Variants in FOXP2 observed in about 807,000 individuals in gnomAD.
The protein encoded by FOXP2 is forkhead box protein P2.
A neutral mutation model predicts 115.8 loss-of-function variants in FOXP2; 12 were observed. The observed-to-expected ratio is 0.10, with a 90% CI of 0.07 to 0.17. The LOEUF is 0.17. Among genes scored for constraint, FOXP2 ranks in the 10% least tolerant of loss-of-function variants. The pLI is 1.00. For missense variants in FOXP2, 629 were observed against 843.5 expected (o/e 0.75, Z 3.15); for synonymous variants, 328 against 297.7 (o/e 1.10, Z -1.05).
chr7:114,273,473 ATGG>A (rs1411682888), intron 1 of FOXP2, among the ~76,000 whole-genome samples: 7 of 151,942 alleles, frequency 4.6e-5, no homozygotes, highest in African/African-American at 1.7e-4. Context: ...CAGTTGATTG[ATGG>A]TGTTGTATTC....
chr7:114,580,774 A>G (rs1032292550), intron 3 of FOXP2, among the ~76,000 whole-genome samples: 1 of 152,144 alleles, frequency 6.6e-6, no homozygotes, highest in Non-Finnish European at 1.5e-5. Context: ...AAGTTTGACC[A>G]TAGGCAGTAG....
chr7:114,266,802 A>T (rs1780371502), intron 1 of FOXP2, among the ~76,000 whole-genome samples: 1 of 152,136 alleles, frequency 6.6e-6, no homozygotes. Flanking sequence ...TAGGATAGAC[A>T]CTCAGTACTT....
At chr7:114,614,847 T>C in intron 3 of FOXP2, among the ~76,000 whole-genome samples, 1 of 152,244 alleles carries the variant, frequency 6.6e-6, no homozygotes, top group Admixed American at 6.5e-5. Flanking sequence ...TTTGTGTTTT[T>C]CCCCTCAGAT....
Position 114,194,565 on chromosome 7 carries a change from AAAC to A in FOXP2, c.-102+31485_-102+31487del, listed in dbSNP as rs575129911. On this transcript the variant is annotated intron_variant, in intron 1 of 17. Coordinates refer to the FOXP2 transcript ENST00000634411. ...AGCGCTGAATCCTCATACTACATGA[AAAC>A]AACAACATTTATTCAAACTTATTGC... 1.6e-4 allele frequency among the ~76,000 whole-genome samples: 24 copies of A among 152,248 alleles called. No homozygotes were observed. In the South Asian group the frequency reaches 4.8e-3, roughly 30 times the overall value.
chr7:114,313,082 C>T (rs1333176829), intron 2 of FOXP2, among the ~76,000 whole-genome samples: 1 of 152,174 alleles, frequency 6.6e-6, no homozygotes, highest in Non-Finnish European at 1.5e-5. Context: ...CTTCATGGTG[C>T]AATCACATAG....
chr7:114,564,059 G>C (rs1161306856), intron 3 of FOXP2, among the ~76,000 whole-genome samples: 1 of 151,960 alleles, frequency 6.6e-6, no homozygotes, highest in African/African-American at 2.4e-5. Context: ...CTTTCTACTT[G>C]TCAAAAAACA....
chr7:114,594,191 A>G (rs972941302), intron 3 of FOXP2, among the ~76,000 whole-genome samples: 5 of 152,050 alleles, frequency 3.3e-5, no homozygotes, highest in Non-Finnish European at 5.9e-5. Flanking sequence ...AATAATTTCT[A>G]CATAATTCCT....
chr7:114,267,477 C>T (rs1795921504), intron 1 of FOXP2, among the ~76,000 whole-genome samples: 1 of 151,762 alleles, frequency 6.6e-6, no homozygotes, highest in African/African-American at 2.4e-5. Flanking sequence ...GCCTGTAATC[C>T]CAGCACTTTG....
chr7:114,263,741 T>C (rs1795819424), intron 1 of FOXP2, among the ~76,000 whole-genome samples: 1 of 150,988 alleles, frequency 6.6e-6, no homozygotes, highest in African/African-American at 2.4e-5. Flanking sequence ...TTGTGTTTTC[T>C]TTCTTGCAGC....
intron 3 of FOXP2, among the ~76,000 whole-genome samples, chr7:114,624,526 T>A (rs936338404): frequency 6.6e-6 from 1 of 151,886 alleles, no homozygotes; most frequent in East Asian, 1.9e-4. Flanking sequence ...ATAATTGGGA[T>A]GTTTAATTAA....
chr7:114,587,165 C>T (rs1303003488), intron 3 of FOXP2, among the ~76,000 whole-genome samples: 1 of 151,698 alleles, frequency 6.6e-6, no homozygotes, highest in Non-Finnish European at 1.5e-5. Context: ...ACCTATTAAC[C>T]TGTCATCTAG....
At chr7:114,535,341 G>T (rs1038312274) in intron 3 of FOXP2, among the ~76,000 whole-genome samples, 10 of 151,158 alleles carry the variant, frequency 6.6e-5, no homozygotes, top group South Asian at 2.1e-4. Flanking sequence ...TTTCTTGGTG[G>T]GGGGGGAAAC....
chr7:114,254,350 G>A lies in FOXP2; in HGVS notation c.-101-33669G>A, dbSNP rs994749484. Among the ~76,000 whole-genome samples, 32 of 152,118 alleles carry A rather than the reference G, an allele frequency of 2.1e-4. 1 individual carries two copies. Among genetic ancestry groups the A allele is most frequent in the African/African-American group, 6.5e-4 (27 of 41,418 alleles). The stretch of plus-strand genomic sequence containing the variant: ...TTTGAATGTTGGCCTGCCATGCTAG[G>A]TTGGGGAAGTTCTCCTGGATAATAT... On this transcript the variant is annotated intron_variant, in intron 1 of 17. Coordinates refer to the FOXP2 transcript ENST00000634411.
intron 2 of FOXP2, among the ~76,000 whole-genome samples, chr7:114,526,991 A>ATTTTTTTTTTTTTTTTTT (rs200748852): frequency 7.8e-6 from 1 of 128,846 alleles, no homozygotes; most frequent in Non-Finnish European, 1.6e-5. Context: ...CCACTAATCT[A>ATTTTTTTTTTTTTTTTTT]TTTTTTTTTT....
At chr7:114,217,398 TAGG>T (rs1243321428) in intron 1 of FOXP2, among the ~76,000 whole-genome samples, 93 of 152,214 alleles carry the variant, frequency 6.1e-4, no homozygotes, top group Non-Finnish European at 1.2e-4. Flanking sequence ...ATTATTTTAC[TAGG>T]AACAAAATGG....
chr7:114,513,611 A>T (rs997683275), intron 2 of FOXP2, among the ~76,000 whole-genome samples: 22 of 152,062 alleles, frequency 1.4e-4, no homozygotes, highest in Admixed American at 1.4e-3. Context: ...CTGAAATGAA[A>T]ATTTAGCACA....
intron 2 of FOXP2, among the ~76,000 whole-genome samples, chr7:114,529,090 T>A (rs532770534): frequency 1.3e-5 from 2 of 152,054 alleles, no homozygotes; most frequent in African/African-American, 4.8e-5. Flanking sequence ...AGCAATAGAA[T>A]AGTGAAGAAC....
chr7:114,448,525 A>C (rs1794932467), intron 2 of FOXP2, among the ~76,000 whole-genome samples: 1 of 152,164 alleles, frequency 6.6e-6, no homozygotes, highest in African/African-American at 2.4e-5. Flanking sequence ...ATTTAAAGTT[A>C]AGTTAATGCC....
chr7:114,272,904 A>AT (rs1796101895), intron 1 of FOXP2, among the ~76,000 whole-genome samples: 1 of 151,354 alleles, frequency 6.6e-6, no homozygotes, highest in Non-Finnish European at 1.5e-5. Flanking sequence ...ACTTTTGTTG[A>AT]TTTTTTCTAT....
Sources: gnomAD v4.1 joint callset for allele counts (sites outside exome capture counted in the v4.1 genomes callset) on GRCh38, gnomAD v4.1.1 for gene constraint, MANE v1.5 for transcripts, NCBI Gene and HGNC (gene_info 2026-07-23, HGNC 2026-07-21) for gene names.